The following SHQ1 variants were observed in gnomAD, a reference collection of about 807,000 sequenced individuals.
SHQ1 encodes protein SHQ1 homolog.
Under a neutral mutation model 53.8 loss-of-function variants are expected in SHQ1, and 49 were observed. The observed-to-expected ratio is 0.91, with a 90% CI of 0.72 to 1.16. SHQ1 has a LOEUF of 1.16. Ranked by LOEUF, SHQ1 falls within the 50% of genes most tolerant of loss-of-function variation. SHQ1 has a pLI of 0.00. For synonymous variants in SHQ1, 243 were observed against 251.0 expected, an observed-to-expected ratio of 0.97 and a Z score of 0.30; for missense variants, 738 against 683.1, an observed-to-expected ratio of 1.08 and a Z score of -0.90.
chr3:72,774,769 T>C (rs1025732265), intron 10 of SHQ1, among the ~76,000 whole-genome samples: 16 of 152,094 alleles, frequency 1.1e-4, no homozygotes, highest in African/African-American at 3.6e-4. Context: ...AATAAAATGA[T>C]ACAGATAAAA....
chr3:72,759,365 A>C (rs1011488471), intron 10 of SHQ1, among the ~76,000 whole-genome samples: 6 of 152,198 alleles, frequency 3.9e-5, no homozygotes, highest in African/African-American at 1.4e-4. Flanking sequence ...GGAGACCAAA[A>C]TTTAATAGTA....
At chr3:72,840,077 C>T (rs1428425218) in intron 4 of SHQ1, among the ~76,000 whole-genome samples, 1 of 151,656 alleles carries the variant, frequency 6.6e-6, no homozygotes, top group African/African-American at 2.4e-5. Flanking sequence ...CATGGCAAAA[C>T]TCCATCTCTA....
chr3:72,765,007 G>A (rs1162787906), intron 10 of SHQ1, among the ~76,000 whole-genome samples: 1 of 152,140 alleles, frequency 6.6e-6, no homozygotes, highest in Non-Finnish European at 1.5e-5. Flanking sequence ...AGAGCATGAG[G>A]ATGAATCTCC....
At chr3:72,811,694 A>G (rs1707127521) in intron 9 of SHQ1, among the ~76,000 whole-genome samples, 1 of 152,244 alleles carries the variant, frequency 6.6e-6, no homozygotes, top group Non-Finnish European at 1.5e-5. Flanking sequence ...CAGGGCAAGA[A>G]GACTACAGGT....
chr3:72,792,692 C>T (rs1706475990), intron 10 of SHQ1, among the ~76,000 whole-genome samples: 1 of 135,352 alleles, frequency 7.4e-6, no homozygotes, highest in Non-Finnish European at 1.5e-5. Flanking sequence ...GGCAGAGGCA[C>T]AAGAATCACT....
chr3:72,732,353 C>T, the SHQ1 span, among the ~76,000 whole-genome samples: 1 of 114,902 alleles, frequency 8.7e-6, no homozygotes, highest in African/African-American at 3.8e-5. Context: ...AAAATGCCTG[C>T]CTGCCTGCCT....
chr3:72,729,878 C>T, the SHQ1 span, among the ~76,000 whole-genome samples: 221 of 150,990 alleles, frequency 1.5e-3, no homozygotes, highest in African/African-American at 5.2e-3. Flanking sequence ...AGTGCAGTGG[C>T]GCGATCTCGT....
Position 72,841,130 on chromosome 3 carries a change from C to T in SHQ1, c.401G>A (p.Cys134Tyr), listed in dbSNP as rs61734040. ...EFDWEIEQTP[C>Y]EEVSESALNP... ...CAAAGCACTTTCTGATACCTCTTCA[C>T]AGGGTGTCTGCTCAATTTCCCAATC... The change falls in exon 4 of 11, where the codon TGT becomes TAT. Residue 134 changes from cysteine to tyrosine, a missense_variant. By Grantham distance (194) the Cys-to-Tyr change is radical. Transcript: ENST00000325599. The T allele has an allele frequency of 1.6e-3, 2,529 of 1,613,948 alleles. 47 individuals are homozygous for T. The African/African-American group carries it at 0.03, about 19-fold the overall frequency.
At chr3:72,779,382 G>T (rs769227077) in intron 10 of SHQ1, among the ~76,000 whole-genome samples, 3 of 152,076 alleles carry the variant, frequency 2.0e-5, no homozygotes, top group Non-Finnish European at 4.4e-5. Context: ...ATTTCCCCAG[G>T]GGATCCTCCT....
chr3:72,813,828 TTC>T (rs1226284031), intron 8 of SHQ1, among the ~76,000 whole-genome samples: 2 of 137,564 alleles, frequency 1.5e-5, no homozygotes, highest in Admixed American at 7.2e-5. Flanking sequence ...TCTCCTCTTT[TTC>T]TTTTTTTTTT....
chr3:72,759,120 T>C (rs1705559376), intron 10 of SHQ1, among the ~76,000 whole-genome samples: 1 of 152,236 alleles, frequency 6.6e-6, no homozygotes, highest in African/African-American at 2.4e-5. Flanking sequence ...GGTTACCAGT[T>C]ATGGTGGATT....
Position 72,841,025 on chromosome 3 carries a change from C to A in SHQ1, c.486+20G>T, listed in dbSNP as rs1381659321. 2 of 1,592,540 alleles carry A rather than the reference C, an allele frequency of 1.3e-6. No individual in the cohort carries two copies. Among genetic ancestry groups the A allele is most frequent in the Admixed American group, 1.8e-5 (1 of 54,596 alleles). On this transcript the variant is annotated intron_variant, in intron 4 of 10. Transcript: ENST00000325599. ...ATGGAAAAACCCTATAGATCAAGAT[C>A]TTTCAGAAAGACAACATACCTGTAA...
chr3:72,744,131 T>A, the SHQ1 span, among the ~76,000 whole-genome samples: 1 of 152,218 alleles, frequency 6.6e-6, no homozygotes, highest in Non-Finnish European at 1.5e-5. Context: ...AGGGGCCCTC[T>A]GGGCTGGTGG....
chr3:72,776,275 A>G (rs150850579), intron 10 of SHQ1, among the ~76,000 whole-genome samples: 326 of 152,358 alleles, frequency 2.1e-3, no homozygotes, highest in African/African-American at 7.5e-3. Context: ...TGGTGGTCCC[A>G]TAAGAGTATA....
At chr3:72,821,292 C>T (rs550487118) in intron 6 of SHQ1, among the ~76,000 whole-genome samples, 1 of 152,194 alleles carries the variant, frequency 6.6e-6, no homozygotes, top group Admixed American at 6.5e-5. Flanking sequence ...GGTGTCATAA[C>T]AAGCAATAAC....
intron 4 of SHQ1, among the ~76,000 whole-genome samples, chr3:72,834,350 G>A (rs372424879): frequency 4.6e-5 from 7 of 152,288 alleles, no homozygotes; most frequent in South Asian, 4.2e-4. Flanking sequence ...CCAACATGGC[G>A]AAACCCCGTC....
At chr3:72,800,634 T>C (rs1156926474) in intron 9 of SHQ1, among the ~76,000 whole-genome samples, 1 of 152,246 alleles carries the variant, frequency 6.6e-6, no homozygotes, top group Non-Finnish European at 1.5e-5. Context: ...CAGCAAATTG[T>C]ATGATCCTGT....
At position 72,789,050 on chromosome 3, in the gene SHQ1, C is replaced by T. The variant is rs539676638; in HGVS notation, c.1181+3866G>A. Among the ~76,000 whole-genome samples the T allele has an allele frequency of 3.6e-4, 53 of 146,832 alleles. 1 individual carries two copies. In the South Asian group the frequency reaches 0.011, roughly 30 times the overall value. On this transcript the variant is annotated intron_variant, in intron 10 of 10. Transcript: ENST00000325599. ...TATGACCCTGCCAAATCCCCCTCTC[C>T]GAGAAACACTCAAGAATGATCAATA...
At chr3:72,836,595 T>G (rs986261986) in intron 4 of SHQ1, among the ~76,000 whole-genome samples, 1 of 152,008 alleles carries the variant, frequency 6.6e-6, no homozygotes, top group Non-Finnish European at 1.5e-5. Context: ...AGAACATGAG[T>G]GTTCAGAGCA....
Sources: gnomAD v4.1 joint callset for allele counts (sites outside exome capture counted in the v4.1 genomes callset) on GRCh38, gnomAD v4.1.1 for gene constraint, MANE v1.5 for transcripts, NCBI Gene and HGNC (gene_info 2026-07-23, HGNC 2026-07-21) for gene names.